TMEM51: variants seen among roughly 807,000 people sequenced by gnomAD.
The protein encoded by TMEM51 is chromosome 1 open reading frame 72.
TMEM51 carries 8 observed loss-of-function variants against 13.6 expected under a neutral mutation model. The ratio of observed to expected loss-of-function variants is 0.59; its 90% CI spans 0.35 to 1.07. The LOEUF (loss-of-function observed/expected upper bound fraction) is 1.07, where lower values mean the gene tolerates loss of function less well. TMEM51 is among the 50% of genes least tolerant of loss of function. The probability of loss-of-function intolerance (pLI) is 0.02; values close to 1 mark genes in which losing one functional copy is unlikely to be tolerated. For synonymous variants in TMEM51, 147 were observed against 144.4 expected, an observed-to-expected ratio of 1.02 and a Z score of -0.13; for missense variants, 279 against 330.7, an observed-to-expected ratio of 0.84 and a Z score of 1.21.
At position 15,194,556 on chromosome 1, in the gene TMEM51, C is replaced by T. The variant is rs145462693; in HGVS notation, c.-266-15934C>T. Among the ~76,000 whole-genome samples, 1,200 of 152,314 alleles carry T rather than the reference C, an allele frequency of 7.9e-3. 19 individuals carry two copies. The highest frequency in any genetic ancestry group is 0.027 in the African/African-American group (1,134 of 41,566). On this transcript the variant is annotated intron_variant, in intron 1 of 3. Coordinates refer to ENST00000376008, the MANE Select transcript of TMEM51 (RefSeq NM_001136218.2). ...CTCTGGATTTAGAGAGGTGCTGGGC[C>T]TCAGCTCAGAGGGCTAGGTTAATGC...
At chr1:15,205,401 G>C (rs1434714941) in intron 1 of TMEM51, among the ~76,000 whole-genome samples, 1 of 152,148 alleles carries the variant, frequency 6.6e-6, no homozygotes, top group Non-Finnish European at 1.5e-5. Context: ...GATTACTGAG[G>C]CTGAGCCCTC....
intron 1 of TMEM51, among the ~76,000 whole-genome samples, chr1:15,181,330 G>C (rs1036968589): frequency 2.6e-5 from 4 of 152,160 alleles, no homozygotes; most frequent in African/African-American, 9.7e-5. Flanking sequence ...GAGCTGGGTG[G>C]GGCTCCAGGT....
chr1:15,200,375 T>G (rs1644129911), intron 1 of TMEM51, among the ~76,000 whole-genome samples: 1 of 119,804 alleles, frequency 8.3e-6, no homozygotes, highest in East Asian at 2.8e-4. Context: ...GCCACTGTAC[T>G]CCAGCCTGGG....
At chr1:15,168,732 C>T (rs2100830834) in intron 1 of TMEM51, 6 of 1,304,494 alleles carry the variant, frequency 4.6e-6, no homozygotes, top group Admixed American at 2.3e-5. Context: ...GGGAACGTCT[C>T]ACAGAAAGGA....
intron 2 of TMEM51, among the ~76,000 whole-genome samples, chr1:15,213,989 G>A (rs1380703100): frequency 3.3e-5 from 5 of 150,242 alleles, no homozygotes; most frequent in South Asian, 2.1e-4. Context: ...TTACTGGCAC[G>A]TGCCACAGCA....
At chr1:15,213,897 A>G (rs1456768960) in intron 2 of TMEM51, among the ~76,000 whole-genome samples, 2 of 151,734 alleles carry the variant, frequency 1.3e-5, no homozygotes, top group African/African-American at 4.8e-5. Flanking sequence ...GCTGGAGTGC[A>G]GTGGCACAAT....
At chr1:15,195,513 T>A (rs1644029446) in intron 1 of TMEM51, among the ~76,000 whole-genome samples, 1 of 152,030 alleles carries the variant, frequency 6.6e-6, no homozygotes, top group Non-Finnish European at 1.5e-5. Flanking sequence ...CATAGTTTGT[T>A]CCCATGAGTC....
rs142288292 is a variant in TMEM51, at chr1:15,191,701, A to G, written c.-266-18789A>G. ...CCGTGTTCCTAGATCACTCATCCCA[A>G]ATGCAAATATATTTTTCAGTAGTAA... On this transcript the variant is annotated intron_variant, in intron 1 of 3. Coordinates refer to ENST00000376008, the MANE Select transcript of TMEM51 (RefSeq NM_001136218.2). 1,455 of 310,068 alleles carry G rather than the reference A, an allele frequency of 4.7e-3. 15 individuals are homozygous for G. Among genetic ancestry groups the G allele is most frequent in the Non-Finnish European group, 4.8e-3 (758 of 158,344 alleles). 19.2% of individuals were successfully genotyped at this position (310,068 alleles called of 1,614,324 possible). A position where few individuals can be genotyped will look rare whatever the true frequency, so the allele number is the denominator to read the frequency against.
At chr1:15,163,388 T>C (rs10489452) in intron 1 of TMEM51, among the ~76,000 whole-genome samples, 35,314 of 151,836 alleles carry the variant, frequency 0.23, 4,535 homozygotes, top group African/African-American at 0.32. Flanking sequence ...GTTAATCTTT[T>C]CAGACCTATT....
At chr1:15,213,450 T>TA (rs1644373373) in intron 2 of TMEM51, among the ~76,000 whole-genome samples, 1 of 152,310 alleles carries the variant, frequency 6.6e-6, no homozygotes, top group African/African-American at 2.4e-5. Context: ...CTTGCCCAGC[T>TA]AAACATCTTG....
intron 1 of TMEM51, among the ~76,000 whole-genome samples, chr1:15,199,180 T>C (rs906778740): frequency 1.1e-4 from 17 of 151,746 alleles, no homozygotes; most frequent in Middle Eastern, 3.4e-3. Context: ...TTGCCCAGGC[T>C]GGAGTGCAAC....
chr1:15,174,791 A>G (rs1643403417), intron 1 of TMEM51, among the ~76,000 whole-genome samples: 1 of 152,156 alleles, frequency 6.6e-6, no homozygotes, highest in Admixed American at 6.5e-5. Context: ...CCGCCTACTC[A>G]CTGTGCCCTC....
intron 1 of TMEM51, among the ~76,000 whole-genome samples, chr1:15,209,904 G>T (rs1192536278): frequency 6.6e-6 from 1 of 152,084 alleles, no homozygotes; most frequent in Non-Finnish European, 1.5e-5. Context: ...GGGGGTGTGC[G>T]CCTGTAGTCC....
At chr1:15,153,710 C>T (rs949352021), upstream of TMEM51, 1 of 152,092 alleles carries the variant, frequency 6.6e-6, no homozygotes, top group African/African-American at 2.4e-5. Context: ...CGCCCTCCGC[C>T]TCCCGCGGTC....
At chr1:15,173,547 T>G (rs1464737647) in intron 1 of TMEM51, among the ~76,000 whole-genome samples, 1 of 152,116 alleles carries the variant, frequency 6.6e-6, no homozygotes, top group African/African-American at 2.4e-5. Flanking sequence ...TAACACAGAT[T>G]GTTTTCCTGC....
At chr1:15,205,643 T>C (rs1409100828) in intron 1 of TMEM51, among the ~76,000 whole-genome samples, 2 of 152,222 alleles carry the variant, frequency 1.3e-5, no homozygotes, top group African/African-American at 4.8e-5. Flanking sequence ...TCGTACTCAC[T>C]GTGTGACCTT....
At chr1:15,188,189 C>G (rs1017910643) in intron 1 of TMEM51, among the ~76,000 whole-genome samples, 3 of 152,166 alleles carry the variant, frequency 2.0e-5, no homozygotes, top group African/African-American at 7.2e-5. Context: ...CCCTGCTGGT[C>G]CCCTCCTCAG....
chr1:15,155,251 G>A (rs927619146), intron 1 of TMEM51, among the ~76,000 whole-genome samples: 4 of 152,118 alleles, frequency 2.6e-5, no homozygotes, highest in African/African-American at 4.8e-5. Flanking sequence ...GGTGTCTGGG[G>A]CCTGCCCCAG....
intron 1 of TMEM51, among the ~76,000 whole-genome samples, chr1:15,209,727 A>G (rs1015924629): frequency 6.6e-6 from 1 of 152,002 alleles, no homozygotes; most frequent in Non-Finnish European, 1.5e-5. Context: ...CTTGATTATG[A>G]TGTGTTATCT....
Sources: allele counts gnomAD v4.1 joint callset (sites outside exome capture counted in the v4.1 genomes callset), GRCh38; gene constraint gnomAD v4.1.1; transcripts MANE v1.5; gene names NCBI Gene and HGNC (gene_info 2026-07-23, HGNC 2026-07-21).